SNX20: variants seen among roughly 807,000 people sequenced by gnomAD.
SNX20 encodes the protein sorting nexin 20, also known as sorting nexin-20.
Under a neutral mutation model 24.5 loss-of-function variants are expected in SNX20, and 21 were observed. The observed-to-expected ratio is 0.86, with a 90% CI of 0.61 to 1.23. The LOEUF is 1.23. Ranked by LOEUF, SNX20 falls within the 50% of genes most tolerant of loss-of-function variation. SNX20 has a pLI of 0.00. For synonymous variants in SNX20, 206 were observed against 192.8 expected (o/e 1.07, Z -0.57); for missense variants, 433 against 430.8 (o/e 1.00, Z -0.04).
At chr16:50,674,142 G>A in intron 3 of SNX20, 68 bp from the exon 4 acceptor site, 1 of 1,507,352 alleles carries the variant, frequency 6.6e-7, no homozygotes, top group Non-Finnish European at 8.8e-7. Context: ...AGCACACCCA[G>A]AGTAAAGTTA....
Position 50,673,432 on chromosome 16 carries a change from G to A in SNX20, c.925C>T (p.Leu309Phe), listed in dbSNP as rs1963097525. ...CAGTGCAGGTATTCTCGCACAGTGA[G>A]CTCCTTCAGGGTGATGCCTCGGGGC... The part of the protein sequence containing the change: ...PTPRGITLKE[L>F]TVREYLH Residue 309 changes from leucine (L) to phenylalanine (F), a missense_variant, in exon 4 of 4, where the codon CTC (leucine) becomes TTC (phenylalanine). Transcript: ENST00000330943. This position sits in a 1 kb window ranked among gnomAD's most constrained non-coding sequence, Gnocchi z 4.1. 1 of 1,571,800 alleles carries A rather than the reference G, an allele frequency of 6.4e-7. No individual in the cohort carries two copies. Among genetic ancestry groups the A allele is most frequent in the Non-Finnish European group, 8.6e-7 (1 of 1,159,238 alleles).
chr16:50,675,630 C>T, intron 3 of SNX20, 140 bp downstream of exon 3: 1 of 1,084,926 alleles, frequency 9.2e-7, no homozygotes, highest in African/African-American at 1.6e-5. Flanking sequence ...TGCTCTTTGG[C>T]CATTTTCTCC....
chr16:50,673,931 C>T lies in SNX20; in HGVS notation c.426G>A (p.Arg142=), dbSNP rs1374641874. ...CAGCGAAGTTCCCAGTCAGGTGCTT[C>T]CTGGGAAACTCCACGTCTTCGATCT... ...REEIEDVEFP[R]KHLTGNFAEE... is the part of the protein sequence containing the mutation. Residue 142 remains arginine, a synonymous_variant, in exon 4 of 4, where the codon AGG becomes AGA. Transcript: ENST00000330943. This position sits in a 1 kb window ranked among gnomAD's most constrained non-coding sequence, Gnocchi z 4.1. 12 of 1,612,714 alleles carry T rather than the reference C, an allele frequency of 7.4e-6. No homozygotes were observed. In the Admixed American group the frequency reaches 1.3e-4, roughly 18 times the overall value.
In SNX20 at chr16:50,674,015, T is replaced by A. The variant is rs370288729; in HGVS notation, c.342A>T (p.Glu114Asp). The A allele has an allele frequency of 9.3e-6, 15 of 1,611,552 alleles. No homozygotes were observed. The highest frequency in any genetic ancestry group is 1.3e-5 in the Non-Finnish European group (15 of 1,178,982). The change falls in exon 4 of 4, where the codon GAA becomes GAT. Residue 114 changes from glutamate to aspartate, a missense_variant. Transcript: ENST00000330943. ...GCTTCGCGAAGTCGGAATAGCGCCGTTCCAGGACGGCCTTGTTGTTGTCAA... is the reference window on the plus strand; with the variant it reads ...GCTTCGCGAAGTCGGAATAGCGCCGATCCAGGACGGCCTTGTTGTTGTCAA... ...GSFDNNKAVL[E>D]RRYSDFAKLQ...
chr16:50,675,609 GC>G (rs1165560937), intron 3 of SNX20, among the ~76,000 whole-genome samples, 160 bp downstream of exon 3: 1 of 152,144 alleles, frequency 6.6e-6, no homozygotes, highest in African/African-American at 2.4e-5. Context: ...CAGGTGCTGA[GC>G]CTGAAATCTT....
At chr16:50,680,166 A>G (rs186028153) in intron 1 of SNX20, among the ~76,000 whole-genome samples, 1 of 152,282 alleles carries the variant, frequency 6.6e-6, no homozygotes, top group East Asian at 1.9e-4. Context: ...GCACTGGTGT[A>G]TCCATGGGGC....
At chr16:50,667,983 C>T (rs1962953997), downstream of SNX20, 1 of 1,549,412 alleles carries the variant, frequency 6.5e-7, no homozygotes, top group African/African-American at 1.4e-5. Context: ...TCGACCAGCC[C>T]AGAACGCTCG....
chr16:50,676,746 T>C (rs768802472), intron 2 of SNX20, among the ~76,000 whole-genome samples: 8 of 152,266 alleles, frequency 5.3e-5, no homozygotes, highest in Non-Finnish European at 1.0e-4. Flanking sequence ...GATCTGTTTC[T>C]CTACCAAACC....
chr16:50,673,478 C>G lies in SNX20; in HGVS notation c.879G>C (p.Glu293Asp), dbSNP rs781049068. The G allele has an allele frequency of 1.9e-6, 3 of 1,605,440 alleles. No homozygotes were observed. The highest frequency in any genetic ancestry group is 1.1e-5 in the South Asian group (1 of 90,086). The change falls in exon 4 of 4, where the codon GAG becomes GAC. Residue 293 changes from glutamate (E) to aspartate (D), a missense_variant. Coordinates refer to ENST00000330943, the MANE Select transcript of SNX20 (RefSeq NM_182854.4). The surrounding 1 kb of genome is among the most constrained non-coding windows in gnomAD (Gnocchi z 4.1). ...DFVTLQERLE[E>D]SQLRRPTPRG... Reference sequence around the variant, plus strand: ...GGGGCGTGGGCCTCCGGAGCTGGCTCTCCTCCAGCCTCTCCTGCAGAGTCA... The same window carrying G: ...GGGGCGTGGGCCTCCGGAGCTGGCTGTCCTCCAGCCTCTCCTGCAGAGTCA...
chr16:50,669,202 A>G, downstream of SNX20: 2 of 846,216 alleles, frequency 2.4e-6, no homozygotes, highest in Non-Finnish European at 4.0e-6. Flanking sequence ...TCCATTTTGC[A>G]TTGCTATAAA....
At position 50,673,840 on chromosome 16, in the gene SNX20, A is replaced by C; in HGVS notation, c.517T>G (p.Cys173Gly). ...AGGAACTCCCGGGAGCGGCGCACGC[A>C]GCGGATGGCGTAGAGCAGGCCCAGG... Reference protein sequence around the residue: ...EYLGLLYAIRCVRRSREFLDF... With the variant: ...EYLGLLYAIRGVRRSREFLDF... The change falls in exon 4 of 4, where the codon TGC becomes GGC. Residue 173 changes from cysteine (C) to glycine (G), a missense_variant. Coordinates refer to ENST00000330943, the MANE Select transcript of SNX20 (RefSeq NM_182854.4). The surrounding 1 kb of genome is among the most constrained non-coding windows in gnomAD (Gnocchi z 4.1). 6.2e-7 allele frequency: 1 copy of C among 1,601,068 alleles called. No homozygotes were observed. The highest frequency in any genetic ancestry group is 8.5e-7 in the Non-Finnish European group (1 of 1,178,084).
rs1396939416 is a variant in SNX20, at chr16:50,673,655, C to G, written c.702G>C (p.Leu234=). The change falls in exon 4 of 4, where the codon CTG becomes CTC. Residue 234 remains leucine, a synonymous_variant. Transcript: ENST00000330943. The surrounding 1 kb of genome is among the most constrained non-coding windows in gnomAD (Gnocchi z 4.1). ...AAAVPALCAV[L]LCHRDLDRPA... Reference sequence around the variant, plus strand: ...GGCGGTCGAGGTCGCGGTGGCACAGCAGCACGGCGCACAGGGCCGGGACGG... The same window carrying G: ...GGCGGTCGAGGTCGCGGTGGCACAGGAGCACGGCGCACAGGGCCGGGACGG... 2.0e-6 allele frequency: 3 copies of G among 1,510,646 alleles called. No homozygotes were observed. The highest frequency in any genetic ancestry group is 2.6e-6 in the Non-Finnish European group (3 of 1,139,114). The allele number at this position is 1,510,646 out of a possible 1,614,324, so 93.6% of individuals were successfully genotyped here.
At position 50,677,425 on chromosome 16, in the gene SNX20, G is replaced by T; in HGVS notation, c.102C>A (p.Leu34=). ...QQEAPATGPD[L]PHPGPDGHLD... is the part of the protein sequence containing the mutation. ...AGTGCCCGTCAGGTCCTGGGTGCGGGAGGTCGGGGCCAGTGGCTGGTGCTT... is the reference window on the plus strand; with the variant it reads ...AGTGCCCGTCAGGTCCTGGGTGCGGTAGGTCGGGGCCAGTGGCTGGTGCTT... Residue 34 remains leucine, a synonymous_variant, in exon 2 of 4, where the codon CTC becomes CTA. Transcript: ENST00000330943. 1.2e-6 allele frequency: 2 copies of T among 1,607,466 alleles called. No individual in the cohort carries two copies. Among genetic ancestry groups the T allele is most frequent in the Non-Finnish European group, 1.7e-6 (2 of 1,176,706 alleles).
downstream of SNX20, chr16:50,666,842 A>T (rs1373779891): frequency 6.6e-6 from 1 of 152,282 alleles, no homozygotes; most frequent in African/African-American, 2.4e-5. Context: ...AGGTTGCTGG[A>T]GCTGCTGCAG....
At chr16:50,679,272 G>A (rs1365602327) in intron 1 of SNX20, among the ~76,000 whole-genome samples, 1 of 152,194 alleles carries the variant, frequency 6.6e-6, no homozygotes, top group African/African-American at 2.4e-5. Flanking sequence ...ACAGATGGGG[G>A]CGGGAGTCAT....
chr16:50,670,302 C>T (rs888370373), downstream of SNX20: 1 of 152,292 alleles, frequency 6.6e-6, no homozygotes, highest in African/African-American at 2.4e-5. Context: ...GTCAGTTCAA[C>T]ACTGGGCTTC....
downstream of SNX20, chr16:50,668,175 G>A: frequency 6.5e-7 from 1 of 1,528,876 alleles, no homozygotes; most frequent in African/African-American, 1.4e-5. Flanking sequence ...AGGGTGCTTG[G>A]GCAAGACCCC....
At chr16:50,680,650 T>A (rs554921696) in intron 1 of SNX20, among the ~76,000 whole-genome samples, 1 of 152,296 alleles carries the variant, frequency 6.6e-6, no homozygotes, top group African/African-American at 2.4e-5. Flanking sequence ...GATCCCAGGA[T>A]GTTGGATGTG....
At chr16:50,668,975 C>T, downstream of SNX20, 1 of 1,545,098 alleles carries the variant, frequency 6.5e-7, no homozygotes, top group Non-Finnish European at 8.7e-7. Context: ...ACCCCTAGGC[C>T]CAGCTGGATG....
Sources: gnomAD v4.1 joint callset for allele counts (sites outside exome capture counted in the v4.1 genomes callset) on GRCh38, gnomAD v4.1.1 for gene constraint, Gnocchi (gnomAD v3.1) non-coding constraint, MANE v1.5 for transcripts, NCBI Gene and HGNC (gene_info 2026-07-23, HGNC 2026-07-21) for gene names.